The following PTPRT variants were observed in gnomAD, a reference collection of about 807,000 sequenced individuals.
PTPRT encodes the protein receptor-type tyrosine-protein phosphatase T.
Under a neutral mutation model 176.8 loss-of-function variants are expected in PTPRT, and 56 were observed. That is an observed-to-expected ratio of 0.32 (90% CI 0.26 to 0.40). The LOEUF is 0.40. Among genes scored for constraint, PTPRT ranks in the 10% least tolerant of loss-of-function variants. The probability of loss-of-function intolerance (pLI) is 1.00; values close to 1 mark genes in which losing one functional copy is unlikely to be tolerated. For synonymous variants in PTPRT, 783 were observed against 739.0 expected, an observed-to-expected ratio of 1.06 and a Z score of -0.96; for missense variants, 1,540 against 1,908.2, an observed-to-expected ratio of 0.81 and a Z score of 3.60.
At chr20:42,622,800 G>A (rs563034309) in intron 7 of PTPRT, among the ~76,000 whole-genome samples, 6 of 152,120 alleles carry the variant, frequency 3.9e-5, no homozygotes, top group South Asian at 2.1e-4. Flanking sequence ...GCACTGATAC[G>A]GACAGGAGAT....
At chr20:42,660,081 A>G (rs1053258357) in intron 7 of PTPRT, among the ~76,000 whole-genome samples, 17 of 152,334 alleles carry the variant, frequency 1.1e-4, no homozygotes, top group South Asian at 2.1e-4. Flanking sequence ...AACTGTGAGG[A>G]CCAATAGAAA....
At chr20:42,219,753 G>C (rs1194097282) in intron 15 of PTPRT, among the ~76,000 whole-genome samples, 5 of 152,210 alleles carry the variant, frequency 3.3e-5, no homozygotes, top group Non-Finnish European at 4.4e-5. Context: ...GTATATGGTA[G>C]GGCCAAGATC....
chr20:42,911,931 T>C (rs1262384339), intron 1 of PTPRT, among the ~76,000 whole-genome samples: 3 of 151,992 alleles, frequency 2.0e-5, no homozygotes, highest in African/African-American at 7.2e-5. Context: ...ATTTTAATGG[T>C]TGCCATCCTG....
chr20:42,292,855 C>T (rs1428687815), intron 12 of PTPRT, among the ~76,000 whole-genome samples: 1 of 152,160 alleles, frequency 6.6e-6, no homozygotes, highest in African/African-American at 2.4e-5. Context: ...GTAGCCTCCT[C>T]CTCAAAGGAT....
chr20:42,780,402 G>T, intron 3 of PTPRT, 103 bp from the exon 4 acceptor site: 1 of 831,270 alleles, frequency 1.2e-6, no homozygotes. Context: ...CTTCCCATCA[G>T]AAGCAACCCA....
At chr20:42,749,878 G>A (rs1049309982) in intron 6 of PTPRT, among the ~76,000 whole-genome samples, 1 of 152,152 alleles carries the variant, frequency 6.6e-6, no homozygotes, top group East Asian at 1.9e-4. Flanking sequence ...AGAGCAAAAC[G>A]GGACCAGCCA....
chr20:42,203,966 C>T (rs1264812389), intron 15 of PTPRT, among the ~76,000 whole-genome samples: 2 of 152,162 alleles, frequency 1.3e-5, no homozygotes, highest in Non-Finnish European at 2.9e-5. Flanking sequence ...TGCACCTACT[C>T]CAATTTCTTG....
intron 7 of PTPRT, among the ~76,000 whole-genome samples, chr20:42,612,086 C>T (rs2145826839): frequency 6.6e-6 from 1 of 152,132 alleles, no homozygotes; most frequent in African/African-American, 2.4e-5. Context: ...CCTGCTGGAC[C>T]CACCCATCTC....
intron 11 of PTPRT, among the ~76,000 whole-genome samples, chr20:42,340,754 C>T (rs573527578): frequency 1.3e-5 from 2 of 152,026 alleles, no homozygotes; most frequent in Non-Finnish European, 2.9e-5. Context: ...CGAGAGCCAT[C>T]GGTTATCAGC....
intron 15 of PTPRT, among the ~76,000 whole-genome samples, chr20:42,223,959 T>A (rs1193242050): frequency 6.6e-6 from 1 of 152,194 alleles, no homozygotes; most frequent in African/African-American, 2.4e-5. Context: ...AAAAATCAAG[T>A]CTTTCATTAA....
intron 14 of PTPRT, among the ~76,000 whole-genome samples, chr20:42,243,730 A>G (rs2146892719): frequency 6.6e-6 from 1 of 152,326 alleles, no homozygotes; most frequent in African/African-American, 2.4e-5. Flanking sequence ...AGGTAGCAGC[A>G]TGAGCTCTAG....
chr20:42,887,469 G>A (rs2079121624), intron 1 of PTPRT, among the ~76,000 whole-genome samples: 1 of 152,162 alleles, frequency 6.6e-6, no homozygotes, highest in South Asian at 2.1e-4. Flanking sequence ...AAGCCACTCA[G>A]TCATGGTATT....
chr20:42,419,895 C>T (rs961313300), intron 9 of PTPRT, among the ~76,000 whole-genome samples: 21 of 152,140 alleles, frequency 1.4e-4, no homozygotes, highest in African/African-American at 3.4e-4. Flanking sequence ...CTAGCGAGAA[C>T]GCCACGTGGA....
intron 5 of PTPRT, among the ~76,000 whole-genome samples, chr20:42,758,127 T>G (rs1344207349): frequency 4.6e-5 from 7 of 152,182 alleles, no homozygotes; most frequent in Non-Finnish European, 1.0e-4. Context: ...CCTGCTTTAA[T>G]TTGAAAACGT....
Position 42,315,881 on chromosome 20 carries a change from G to A in PTPRT, c.1981C>T (p.Leu661=), listed in dbSNP as rs2057713498. Residue 661 remains leucine (L), a synonymous_variant, in exon 12 of 31, where the codon CTA becomes TTA. Coordinates refer to ENST00000373187, the MANE Select transcript of PTPRT (RefSeq NM_007050.6). ...TTCAACTCAGCAGCAAAGTAGTGTA[G>A]AGAATCGAGGCTGGAGGCATTCCGA... is the stretch of plus-strand genomic sequence containing the variant. ...SYRNASSLDS[L]HYFAAELKPA... is the part of the protein sequence containing the mutation. The A allele has an allele frequency of 1.9e-6, 3 of 1,614,162 alleles. No homozygotes were observed. The highest frequency in any genetic ancestry group is 1.3e-5 in the African/African-American group (1 of 75,028).
intron 1 of PTPRT, among the ~76,000 whole-genome samples, chr20:43,111,944 G>A (rs1260526445): frequency 6.6e-6 from 1 of 152,236 alleles, no homozygotes; most frequent in East Asian, 1.9e-4. Context: ...TTAGTGCCAA[G>A]GAGGGCATCA....
chr20:42,891,304 A>C (rs933496728), intron 1 of PTPRT, among the ~76,000 whole-genome samples: 1 of 152,142 alleles, frequency 6.6e-6, no homozygotes, highest in Non-Finnish European at 1.5e-5. Flanking sequence ...AGATCCACAT[A>C]ATTGGGGGAG....
At chr20:42,859,702 G>A (rs1462459402) in intron 2 of PTPRT, among the ~76,000 whole-genome samples, 1 of 150,376 alleles carries the variant, frequency 6.6e-6, no homozygotes, top group Non-Finnish European at 1.5e-5. Flanking sequence ...TCCTGCCTCA[G>A]CCTCCCGAGC....
chr20:42,392,440 A>C (rs1445071508), intron 9 of PTPRT, among the ~76,000 whole-genome samples: 2 of 152,198 alleles, frequency 1.3e-5, no homozygotes, highest in Non-Finnish European at 2.9e-5. Context: ...TCTCAAAAAA[A>C]AAAATCCATT....
Sources: gnomAD v4.1 joint callset for allele counts (sites outside exome capture counted in the v4.1 genomes callset) on GRCh38, gnomAD v4.1.1 for gene constraint, MANE v1.5 for transcripts, NCBI Gene and HGNC (gene_info 2026-07-23, HGNC 2026-07-21) for gene names.